Variants in ZC3H12B observed in about 807,000 individuals in gnomAD.
ZC3H12B encodes probable ribonuclease ZC3H12B.
Under a neutral mutation model 43.9 loss-of-function variants are expected in ZC3H12B, and 7 were observed. That is an observed-to-expected ratio of 0.16 (90% confidence interval 0.09 to 0.30). The LOEUF (loss-of-function observed/expected upper bound fraction) is 0.30, where lower values mean the gene tolerates loss of function less well. Among genes scored for constraint, ZC3H12B ranks in the 10% least tolerant of loss-of-function variants. The pLI is 1.00. For synonymous variants in ZC3H12B, 222 were observed against 241.7 expected (o/e 0.92, Z 0.76); for missense variants, 475 against 670.2 (o/e 0.71, Z 3.22).
the ZC3H12B span, among the ~76,000 whole-genome samples, chrX:65,236,311 CT>C: frequency 2.7e-5 from 3 of 111,013 alleles, no homozygotes; most frequent in African/African-American, 3.3e-5. Flanking sequence ...TGATGTTTAG[CT>C]TTTTTTTCAT....
chrX:65,169,533 G>A, the ZC3H12B span, among the ~76,000 whole-genome samples: 1 of 111,985 alleles, frequency 8.9e-6, no homozygotes, highest in Non-Finnish European at 1.9e-5. Flanking sequence ...GGAGAGTTCT[G>A]TAGATGTCTA....
At chrX:65,077,733 TTTG>T in the ZC3H12B span, among the ~76,000 whole-genome samples, 9 of 111,760 alleles carry the variant, frequency 8.1e-5, no homozygotes, top group African/African-American at 2.3e-4. Context: ...TGTTTTTGTT[TTTG>T]TTGTTGTTGT....
At chrX:65,199,347 A>G in the ZC3H12B span, among the ~76,000 whole-genome samples, 1 of 108,690 alleles carries the variant, frequency 9.2e-6, no homozygotes, top group African/African-American at 3.3e-5. Flanking sequence ...TAAATATTTC[A>G]ATCTCTTCAT....
the ZC3H12B span, among the ~76,000 whole-genome samples, chrX:65,188,942 C>A: frequency 1.4e-5 from 1 of 70,216 alleles, no homozygotes; most frequent in East Asian, 6.0e-4. Context: ...GCTATCCCTC[C>A]CCCCTCCCCC....
intron 3 of ZC3H12B, among the ~76,000 whole-genome samples, chrX:65,430,922 A>G (rs2067153373): frequency 9.0e-6 from 1 of 110,997 alleles, no homozygotes; most frequent in Admixed American, 9.6e-5. Context: ...AAGAATCAGG[A>G]TATTTCAGTT....
At chrX:65,116,750 G>C in the ZC3H12B span, among the ~76,000 whole-genome samples, 2 of 108,993 alleles carry the variant, frequency 1.8e-5, no homozygotes, top group Non-Finnish European at 3.8e-5. Context: ...AGTGTGTGAT[G>C]TTCCCCACCC....
At chrX:65,065,419 A>G in the ZC3H12B span, among the ~76,000 whole-genome samples, 430 of 112,042 alleles carry the variant, frequency 3.8e-3, 2 homozygotes, top group Non-Finnish European at 6.8e-3. Flanking sequence ...TTGGCTGAAT[A>G]TGAAATTCTG....
intron 2 of ZC3H12B, among the ~76,000 whole-genome samples, chrX:65,379,218 T>C (rs770913037): frequency 1.8e-5 from 2 of 111,611 alleles, no homozygotes; most frequent in Admixed American, 1.9e-4. Context: ...TCTGACAGCT[T>C]TGAAGAGAGC....
At chrX:65,104,335 T>A in the ZC3H12B span, among the ~76,000 whole-genome samples, 2 of 111,743 alleles carry the variant, frequency 1.8e-5, no homozygotes, top group Non-Finnish European at 3.8e-5. Flanking sequence ...GGCAATACCA[T>A]TCAGGACATA....
the ZC3H12B span, among the ~76,000 whole-genome samples, chrX:65,147,397 G>A: frequency 9.0e-6 from 1 of 111,473 alleles, no homozygotes; most frequent in East Asian, 2.8e-4. Context: ...CTGTTGATTG[G>A]GTGTGTGTGG....
intron 3 of ZC3H12B, among the ~76,000 whole-genome samples, chrX:65,401,031 T>C (rs1185842455): frequency 9.3e-6 from 1 of 107,772 alleles, no homozygotes; most frequent in Non-Finnish European, 1.9e-5. Context: ...AATAGAAGGC[T>C]CCACCAATTG....
At chrX:65,224,687 C>T in the ZC3H12B span, among the ~76,000 whole-genome samples, 14 of 111,965 alleles carry the variant, frequency 1.3e-4, no homozygotes, top group East Asian at 5.6e-4. Flanking sequence ...TGCACTTTTC[C>T]GACGGGCTTA....
chrX:65,059,267 T>G, the ZC3H12B span, among the ~76,000 whole-genome samples: 1 of 98,533 alleles, frequency 1.0e-5, no homozygotes, highest in African/African-American at 3.7e-5. Context: ...CTGCCTGCGC[T>G]TGTGCGGTAT....
At chrX:65,154,330 T>C in the ZC3H12B span, among the ~76,000 whole-genome samples, 2 of 112,454 alleles carry the variant, frequency 1.8e-5, no homozygotes, top group African/African-American at 6.5e-5. Flanking sequence ...TACCTTTGCA[T>C]TTATTACCAC....
the ZC3H12B span, among the ~76,000 whole-genome samples, chrX:65,110,892 C>T: frequency 1.8e-5 from 2 of 111,176 alleles, no homozygotes; most frequent in Non-Finnish European, 1.9e-5. Flanking sequence ...TAGATCTCCC[C>T]TAATACTTTT....
intron 3 of ZC3H12B, among the ~76,000 whole-genome samples, chrX:65,462,233 G>A (rs761538691): frequency 5.4e-5 from 6 of 110,988 alleles, no homozygotes; most frequent in African/African-American, 1.6e-4. Flanking sequence ...CTTCAAGGCC[G>A]GGCACGGTGG....
chrX:65,487,959 C>T (rs1432888523), upstream of ZC3H12B, among the ~76,000 whole-genome samples: 1 of 112,025 alleles, frequency 8.9e-6, no homozygotes, highest in Non-Finnish European at 1.9e-5. Context: ...GCAAGCTCCA[C>T]CTCCCAGGTT....
chrX:65,171,640 G>T, the ZC3H12B span, among the ~76,000 whole-genome samples: 2 of 111,532 alleles, frequency 1.8e-5, no homozygotes, highest in East Asian at 2.9e-4. Flanking sequence ...GCCCCCAGAG[G>T]TGGAGTCTAC....
the ZC3H12B span, among the ~76,000 whole-genome samples, chrX:65,330,532 G>A: frequency 9.0e-6 from 1 of 111,442 alleles, no homozygotes; most frequent in Non-Finnish European, 1.9e-5. Flanking sequence ...TATGATATGG[G>A]CTGTGGGTTT....
Sources: gnomAD v4.1 joint callset for allele counts (sites outside exome capture counted in the v4.1 genomes callset) on GRCh38, gnomAD v4.1.1 for gene constraint, MANE v1.5 for transcripts, NCBI Gene and HGNC (gene_info 2026-07-23, HGNC 2026-07-21) for gene names.